CTNND2: variants seen among roughly 807,000 people sequenced by gnomAD.
CTNND2 encodes catenin delta-2.
CTNND2 carries 22 observed loss-of-function variants against 144.4 expected under a neutral mutation model. The ratio of observed to expected loss-of-function variants is 0.15; its 90% CI spans 0.11 to 0.22. The LOEUF (loss-of-function observed/expected upper bound fraction) is 0.22. Among genes scored for constraint, CTNND2 ranks in the 10% least tolerant of loss-of-function variants. The pLI is 1.00. For synonymous variants in CTNND2, 751 were observed against 695.6 expected (o/e 1.08, Z -1.25); for missense variants, 1,353 against 1,618.8 (o/e 0.84, Z 2.82).
intron 10 of CTNND2, among the ~76,000 whole-genome samples, chr5:11,212,089 G>A (rs920316182): frequency 2.0e-5 from 3 of 151,796 alleles, no homozygotes; most frequent in Admixed American, 6.6e-5. Flanking sequence ...TTTAGGTGAC[G>A]GAGTCTCTCA....
At chr5:10,994,659 G>C (rs1278109919) in intron 18 of CTNND2, among the ~76,000 whole-genome samples, 2 of 152,114 alleles carry the variant, frequency 1.3e-5, no homozygotes, top group Non-Finnish European at 2.9e-5. Flanking sequence ...AAGAACAGAT[G>C]TGAAGGCCCT....
intron 2 of CTNND2, among the ~76,000 whole-genome samples, chr5:11,673,446 A>C (rs1784011932): frequency 6.6e-6 from 1 of 152,150 alleles, no homozygotes; most frequent in Non-Finnish European, 1.5e-5. Context: ...TGTTTAGAAA[A>C]TCTGCTTTAA....
chr5:11,022,505 A>C (rs1742357576), intron 17 of CTNND2, among the ~76,000 whole-genome samples: 1 of 152,196 alleles, frequency 6.6e-6, no homozygotes. Context: ...CCACAGAGGA[A>C]CAACAACAAA....
chr5:11,072,821 T>A (rs1040106570), intron 16 of CTNND2, among the ~76,000 whole-genome samples: 1 of 152,210 alleles, frequency 6.6e-6, no homozygotes, highest in Non-Finnish European at 1.5e-5. Flanking sequence ...CAGGCTTCTG[T>A]CTCCTTCCTG....
intron 16 of CTNND2, among the ~76,000 whole-genome samples, chr5:11,059,819 A>T (rs115389324): frequency 6.6e-6 from 1 of 152,234 alleles, no homozygotes; most frequent in Non-Finnish European, 1.5e-5. Flanking sequence ...TATTCAATTT[A>T]TAAGAAAAAG....
chr5:11,508,266 G>T (rs1184721006), intron 3 of CTNND2: 1 of 152,096 alleles, frequency 6.6e-6, no homozygotes, highest in African/African-American at 2.4e-5. Flanking sequence ...TGTAGTAACG[G>T]TTCTCTCTTC....
chr5:11,708,050 G>A (rs1399088506), intron 2 of CTNND2, among the ~76,000 whole-genome samples: 1 of 136,704 alleles, frequency 7.3e-6, no homozygotes, highest in Admixed American at 7.1e-5. Flanking sequence ...TTTTAAAGAT[G>A]ATTTTTTTTT....
At chr5:11,444,753 T>C (rs1448420200) in intron 3 of CTNND2, among the ~76,000 whole-genome samples, 3 of 152,150 alleles carry the variant, frequency 2.0e-5, no homozygotes, top group East Asian at 1.9e-4. Flanking sequence ...ATTTGAAGCA[T>C]AGTAAAGACA....
chr5:11,243,362 A>G (rs1742651706), intron 9 of CTNND2, among the ~76,000 whole-genome samples: 1 of 152,056 alleles, frequency 6.6e-6, no homozygotes. Flanking sequence ...CATCGAGTCC[A>G]TCTGTCCCAC....
At chr5:11,154,785 G>A (rs112472221) in intron 12 of CTNND2, among the ~76,000 whole-genome samples, 2,064 of 152,290 alleles carry the variant, frequency 0.014, 42 homozygotes, top group African/African-American at 0.046. Context: ...GAAGGCTCTT[G>A]GGAAAATTCC....
chr5:11,658,666 T>A (rs1468042818), intron 2 of CTNND2, among the ~76,000 whole-genome samples: 5 of 152,156 alleles, frequency 3.3e-5, no homozygotes. Context: ...TTAAGCCCCC[T>A]GGCTTCACGC....
chr5:11,294,357 T>C (rs1196686361), intron 9 of CTNND2, among the ~76,000 whole-genome samples: 1 of 152,172 alleles, frequency 6.6e-6, no homozygotes, highest in African/African-American at 2.4e-5. Flanking sequence ...AAAACACTAA[T>C]GTGCTGAGTT....
intron 1 of CTNND2, among the ~76,000 whole-genome samples, chr5:11,792,654 T>C (rs1427908995): frequency 2.6e-5 from 4 of 152,232 alleles, no homozygotes; most frequent in African/African-American, 9.6e-5. Context: ...ATGCCTGACA[T>C]GGCTTTTTAT....
At chr5:11,694,722 T>G (rs888377850) in intron 2 of CTNND2, among the ~76,000 whole-genome samples, 3 of 152,234 alleles carry the variant, frequency 2.0e-5, no homozygotes, top group African/African-American at 7.2e-5. Context: ...TCCATGGTAC[T>G]CATGTAAGGA....
chr5:11,020,831 C>CCCTAACCCTA (rs1561183161), intron 17 of CTNND2, among the ~76,000 whole-genome samples: 3 of 152,100 alleles, frequency 2.0e-5, no homozygotes, highest in African/African-American at 4.8e-5. Flanking sequence ...TCCAATTTAA[C>CCCTAACCCTA]ACTTCTTATT....
chr5:11,216,111 G>A (rs1739145274), intron 10 of CTNND2, among the ~76,000 whole-genome samples: 1 of 152,176 alleles, frequency 6.6e-6, no homozygotes. Context: ...GCTCCACAGA[G>A]CAGGATGTAA....
chr5:11,391,638 G>A (rs1032367937), intron 6 of CTNND2, among the ~76,000 whole-genome samples: 1 of 152,218 alleles, frequency 6.6e-6, no homozygotes, highest in Non-Finnish European at 1.5e-5. Flanking sequence ...CTCTGGTACT[G>A]CGAGAAAAGT....
intron 2 of CTNND2, among the ~76,000 whole-genome samples, chr5:11,663,179 T>C (rs929330765): frequency 3.9e-5 from 6 of 152,190 alleles, no homozygotes; most frequent in African/African-American, 1.4e-4. Context: ...TGTAAAGTGG[T>C]CGTGGCATCA....
chr5:11,877,542 A>G (rs1735655459), intron 1 of CTNND2, among the ~76,000 whole-genome samples: 1 of 152,164 alleles, frequency 6.6e-6, no homozygotes, highest in African/African-American at 2.4e-5. Context: ...ATATAAGCAC[A>G]TAATTTTTAA....
Sources: gnomAD v4.1 joint callset for allele counts (sites outside exome capture counted in the v4.1 genomes callset) on GRCh38, gnomAD v4.1.1 for gene constraint, MANE v1.5 for transcripts, NCBI Gene and HGNC (gene_info 2026-07-23, HGNC 2026-07-21) for gene names.